Variants in CADM2 observed in about 807,000 individuals in gnomAD.
CADM2 encodes cell adhesion molecule 2.
A neutral mutation model predicts 49.8 loss-of-function variants in CADM2; 12 were observed. The observed-to-expected ratio is 0.24, with a 90% confidence interval of 0.15 to 0.39. The LOEUF (loss-of-function observed/expected upper bound fraction) is 0.39. Among genes scored for constraint, CADM2 ranks in the 10% least tolerant of loss-of-function variants. CADM2 has a pLI of 1.00. For synonymous variants in CADM2, 214 were observed against 175.4 expected (o/e 1.22, Z -1.74); for missense variants, 378 against 492.3 (o/e 0.77, Z 2.20).
intron 1 of CADM2, among the ~76,000 whole-genome samples, chr3:85,416,703 T>C (rs2035937297): frequency 6.6e-6 from 1 of 152,186 alleles, no homozygotes; most frequent in Non-Finnish European, 1.5e-5. Flanking sequence ...AAAGTATGCC[T>C]GCAGAAATTT....
At chr3:85,230,120 A>G (rs2042253522) in intron 1 of CADM2, among the ~76,000 whole-genome samples, 1 of 152,130 alleles carries the variant, frequency 6.6e-6, no homozygotes, top group Non-Finnish European at 1.5e-5. Context: ...GGGCCCTGGT[A>G]TGCTCTGATA....
chr3:85,244,410 C>T (rs2042603020), intron 1 of CADM2, among the ~76,000 whole-genome samples: 1 of 152,074 alleles, frequency 6.6e-6, no homozygotes, highest in Non-Finnish European at 1.5e-5. Context: ...GCAAATCTTT[C>T]TATTTATATG....
At chr3:85,598,879 A>T (rs1410948818) in intron 1 of CADM2, among the ~76,000 whole-genome samples, 1 of 151,644 alleles carries the variant, frequency 6.6e-6, no homozygotes, top group Non-Finnish European at 1.5e-5. Context: ...ATATAGATTT[A>T]TTATACACAC....
intron 1 of CADM2, among the ~76,000 whole-genome samples, chr3:85,188,585 T>A (rs1225784802): frequency 6.6e-6 from 1 of 152,190 alleles, no homozygotes; most frequent in Non-Finnish European, 1.5e-5. Context: ...GTTGTTTTTT[T>A]TCATATTTAT....
chr3:85,775,342 C>A (rs75011610), intron 2 of CADM2, among the ~76,000 whole-genome samples: 1 of 151,590 alleles, frequency 6.6e-6, no homozygotes. Flanking sequence ...AAGCTTTGTG[C>A]CCTATTATAG....
chr3:85,656,617 A>G (rs2065207607), intron 1 of CADM2, among the ~76,000 whole-genome samples: 1 of 152,186 alleles, frequency 6.6e-6, no homozygotes, highest in Admixed American at 6.5e-5. Flanking sequence ...TTCCATCTCC[A>G]AAATAATAAT....
chr3:85,541,711 T>TGTA, intron 1 of CADM2, among the ~76,000 whole-genome samples: 1 of 37,992 alleles, frequency 2.6e-5, no homozygotes, highest in South Asian at 9.2e-4. Context: ...TATATATATA[T>TGTA]TTTATATTAT....
At chr3:85,352,382 A>T (rs759510765) in intron 1 of CADM2, among the ~76,000 whole-genome samples, 2 of 152,156 alleles carry the variant, frequency 1.3e-5, no homozygotes, top group East Asian at 1.9e-4. Context: ...GAAAAATAAC[A>T]TCAAGATTAT....
At chr3:85,252,855 C>A (rs1446437340) in intron 1 of CADM2, among the ~76,000 whole-genome samples, 1 of 151,982 alleles carries the variant, frequency 6.6e-6, no homozygotes, top group Non-Finnish European at 1.5e-5. Flanking sequence ...TGCTAACAAA[C>A]CTGTCACCTA....
chr3:85,971,899 T>C (rs1182121584), intron 8 of CADM2, among the ~76,000 whole-genome samples: 3 of 151,766 alleles, frequency 2.0e-5, no homozygotes, highest in Admixed American at 1.3e-4. Context: ...ACTTTTCATA[T>C]TTTAAGAACA....
intron 2 of CADM2, among the ~76,000 whole-genome samples, chr3:85,796,395 C>A (rs1349192551): frequency 1.3e-5 from 2 of 152,106 alleles, no homozygotes; most frequent in Non-Finnish European, 2.9e-5. Flanking sequence ...TGTCGCCTTG[C>A]TAGAGGTCAC....
At chr3:85,942,508 C>T (rs1198919023) in intron 7 of CADM2, among the ~76,000 whole-genome samples, 1 of 137,006 alleles carries the variant, frequency 7.3e-6, no homozygotes, top group Non-Finnish European at 1.6e-5. Context: ...CAACAGTCCC[C>T]AGAGTGTGAT....
chr3:85,885,236 G>C (rs1436346209), intron 4 of CADM2, among the ~76,000 whole-genome samples: 2 of 151,616 alleles, frequency 1.3e-5, no homozygotes, highest in Non-Finnish European at 2.9e-5. Flanking sequence ...TATTTTCACA[G>C]GTAAAATTTT....
chr3:85,434,949 T>C (rs926708126), intron 1 of CADM2, among the ~76,000 whole-genome samples: 2 of 152,130 alleles, frequency 1.3e-5, no homozygotes, highest in African/African-American at 4.8e-5. Flanking sequence ...TATATAATGA[T>C]TGTTGCTAAC....
At chr3:85,291,216 AG>A (rs1257726145) in intron 1 of CADM2, among the ~76,000 whole-genome samples, 1 of 152,124 alleles carries the variant, frequency 6.6e-6, no homozygotes, top group Admixed American at 6.5e-5. Flanking sequence ...AATGAAATGA[AG>A]CTAGAAGGGA....
At chr3:85,837,185 CTTCA>C (rs1315895951) in intron 3 of CADM2, among the ~76,000 whole-genome samples, 1 of 151,500 alleles carries the variant, frequency 6.6e-6, no homozygotes, top group Non-Finnish European at 1.5e-5. Context: ...TGGCTAACTA[CTTCA>C]TGTGTTATAA....
chr3:85,784,390 A>T (rs1271271894), intron 2 of CADM2, among the ~76,000 whole-genome samples: 1 of 130,014 alleles, frequency 7.7e-6, no homozygotes, highest in Admixed American at 8.2e-5. Context: ...GAATTTTAGT[A>T]ATGACAATGC....
intron 1 of CADM2, among the ~76,000 whole-genome samples, chr3:85,527,901 C>T (rs2061204797): frequency 6.6e-6 from 1 of 152,040 alleles, no homozygotes; most frequent in Non-Finnish European, 1.5e-5. Context: ...TTTAGTATGA[C>T]CTTTCTTTTA....
intron 1 of CADM2, among the ~76,000 whole-genome samples, chr3:85,621,340 C>T (rs550193449): frequency 8.6e-5 from 13 of 151,870 alleles, no homozygotes; most frequent in African/African-American, 2.9e-4. Context: ...AAATAAAAGA[C>T]AATAATATCT....
Sources: allele counts gnomAD v4.1 joint callset (sites outside exome capture counted in the v4.1 genomes callset), GRCh38; gene constraint gnomAD v4.1.1; transcripts MANE v1.5; gene names NCBI Gene and HGNC (gene_info 2026-07-23, HGNC 2026-07-21).